The following ITPR2 variants were observed in gnomAD, a reference collection of about 807,000 sequenced individuals.
ITPR2 encodes the protein inositol 1,4,5-trisphosphate receptor type 2, also known as inositol 1,4,5-trisphosphate-gated calcium channel ITPR2.
In ITPR2, 207 loss-of-function variants were observed where a neutral mutation model predicts 317.1. That is an observed-to-expected ratio of 0.65 (90% confidence interval 0.58 to 0.73). The LOEUF (loss-of-function observed/expected upper bound fraction) is 0.73, where lower values mean the gene tolerates loss of function less well. Among genes scored for constraint, ITPR2 ranks in the 30% least tolerant of loss-of-function variants. The pLI, the probability that ITPR2 is intolerant of heterozygous loss-of-function variation, is 0.00. For missense variants in ITPR2, 2,613 were observed against 3,284.0 expected, an observed-to-expected ratio of 0.80 and a Z score of 4.99; for synonymous variants, 1,156 against 1,149.1, an observed-to-expected ratio of 1.01 and a Z score of -0.12.
chr12:26,549,932 A>T (rs1944483129), intron 37 of ITPR2, among the ~76,000 whole-genome samples: 1 of 152,012 alleles, frequency 6.6e-6, no homozygotes, highest in African/African-American at 2.4e-5. Context: ...TAAATAATGC[A>T]TCTCAGTTAC....
At chr12:26,481,721 T>C (rs1021836669) in intron 42 of ITPR2, among the ~76,000 whole-genome samples, 1 of 152,230 alleles carries the variant, frequency 6.6e-6, no homozygotes, top group African/African-American at 2.4e-5. Context: ...TACTTAATGC[T>C]AAACTGATGA....
chr12:26,456,211 G>C (rs760204352), intron 45 of ITPR2, among the ~76,000 whole-genome samples: 28 of 152,178 alleles, frequency 1.8e-4, no homozygotes, highest in Non-Finnish European at 2.8e-4. Context: ...GATAAAACAG[G>C]CTGCAGTAAA....
At chr12:26,460,223 T>C (rs1941983491) in intron 45 of ITPR2, among the ~76,000 whole-genome samples, 1 of 152,238 alleles carries the variant, frequency 6.6e-6, no homozygotes, top group Non-Finnish European at 1.5e-5. Flanking sequence ...CTCTGTCTTA[T>C]GGCACCCTAG....
At chr12:26,651,364 A>G (rs1246268371) in intron 21 of ITPR2, among the ~76,000 whole-genome samples, 1 of 147,038 alleles carries the variant, frequency 6.8e-6, no homozygotes, top group Non-Finnish European at 1.5e-5. Context: ...CTTCAAATCT[A>G]TTCTCTCTTT....
At chr12:26,420,045 A>G (rs1177818294) in intron 49 of ITPR2, among the ~76,000 whole-genome samples, 1 of 152,156 alleles carries the variant, frequency 6.6e-6, no homozygotes, top group Non-Finnish European at 1.5e-5. Context: ...TTCAACCCAC[A>G]TTTCATACTG....
chr12:26,357,441 T>G (rs1938675267), intron 55 of ITPR2, among the ~76,000 whole-genome samples: 1 of 152,230 alleles, frequency 6.6e-6, no homozygotes, highest in African/African-American at 2.4e-5. Context: ...CCATGTTCCC[T>G]CTCAGACCTC....
At chr12:26,478,177 C>A (rs1942459290) in intron 43 of ITPR2, among the ~76,000 whole-genome samples, 1 of 152,052 alleles carries the variant, frequency 6.6e-6, no homozygotes, top group African/African-American at 2.4e-5. Flanking sequence ...GAAGTACAGC[C>A]TAAAGATCAT....
At chr12:26,611,273 C>A (rs1424828899) in intron 26 of ITPR2, among the ~76,000 whole-genome samples, 3 of 152,228 alleles carry the variant, frequency 2.0e-5, no homozygotes, top group Non-Finnish European at 4.4e-5. Flanking sequence ...GTTGTCCAGA[C>A]AACCCAGAGT....
At chr12:26,436,175 T>A in intron 48 of ITPR2, 46 bp downstream of exon 48, 1 of 1,470,124 alleles carries the variant, frequency 6.8e-7, no homozygotes, top group Non-Finnish European at 9.0e-7. Flanking sequence ...AATAGTTAAG[T>A]GGGAACTTTA....
chr12:26,730,210 T>C lies in ITPR2; in HGVS notation c.164-4445A>G, dbSNP rs187305550. ...GGATTAGATCTTCATTACCATGTAATATCTTTTTAGAAATGCAGACGCCAT... is the reference window on the plus strand; with the variant it reads ...GGATTAGATCTTCATTACCATGTAACATCTTTTTAGAAATGCAGACGCCAT... On this transcript the variant is annotated intron_variant, in intron 2 of 56. Coordinates refer to ENST00000381340, the MANE Select transcript of ITPR2 (RefSeq NM_002223.4). 3.3e-5 allele frequency among the ~76,000 whole-genome samples: 5 copies of C among 152,280 alleles called. No individual in the cohort carries two copies. In the East Asian group the frequency reaches 9.6e-4, roughly 29 times the overall value.
chr12:26,715,604 A>G (rs969084536), intron 7 of ITPR2, 148 bp downstream of exon 7: 11 of 795,028 alleles, frequency 1.4e-5, no homozygotes, highest in Admixed American at 1.1e-4. Flanking sequence ...GTGGGGGGGA[A>G]ATTCAGTAAA....
chr12:26,417,778 A>G (rs1454013840), intron 50 of ITPR2, among the ~76,000 whole-genome samples: 1 of 142,294 alleles, frequency 7.0e-6, no homozygotes, highest in East Asian at 2.3e-4. Context: ...TCCATTTTAT[A>G]AACAAGAAAG....
intron 45 of ITPR2, among the ~76,000 whole-genome samples, chr12:26,469,478 C>A (rs765413999): frequency 1.3e-5 from 2 of 152,054 alleles, no homozygotes; most frequent in Admixed American, 6.6e-5. Context: ...TGACTTAGAT[C>A]TAGTCTAAAT....
At chr12:26,495,111 C>T in intron 38 of ITPR2, 41 bp downstream of exon 38, 2 of 1,010,144 alleles carry the variant, frequency 2.0e-6, no homozygotes, top group Non-Finnish European at 3.2e-6. Context: ...GAAGATGTAT[C>T]ATGAGAATCC....
chr12:26,412,112 T>C (rs1459692423), intron 51 of ITPR2, among the ~76,000 whole-genome samples: 1 of 152,182 alleles, frequency 6.6e-6, no homozygotes, highest in Admixed American at 6.5e-5. Context: ...ATTTTTCCCA[T>C]AGAGCCATCG....
intron 9 of ITPR2, among the ~76,000 whole-genome samples, chr12:26,702,033 AC>A (rs1324298558): frequency 6.6e-6 from 1 of 152,194 alleles, no homozygotes; most frequent in East Asian, 1.9e-4. Context: ...TCTGTGGAAG[AC>A]CCATTTACTG....
chr12:26,665,885 A>G, intron 14 of ITPR2, 25 bp downstream of exon 14: 3 of 1,591,184 alleles, frequency 1.9e-6, no homozygotes, highest in Non-Finnish European at 2.6e-6. Context: ...TAAAATATAC[A>G]AATTTAGTAC....
At chr12:26,431,832 T>C (rs1941217585) in intron 48 of ITPR2, among the ~76,000 whole-genome samples, 1 of 152,164 alleles carries the variant, frequency 6.6e-6, no homozygotes, top group African/African-American at 2.4e-5. Flanking sequence ...GGAGGAAGCA[T>C]ACACGGCTCA....
Position 26,632,039 on chromosome 12 carries a change from T to G in ITPR2, c.2761A>C (p.Ile921Leu). The G allele has an allele frequency of 6.3e-7, 1 of 1,583,090 alleles. No homozygotes were observed. Among genetic ancestry groups the G allele is most frequent in the Non-Finnish European group, 8.6e-7 (1 of 1,166,458 alleles). ...QDGGNNVMRTIHGVGEMMTQM... is the reference protein window; with the variant it reads ...QDGGNNVMRTLHGVGEMMTQM... ...GTCATCATCTCTCCCACCCCATGAATGGTTCTCATCACATTGTTTCCTGGC... is the reference window on the plus strand; with the variant it reads ...GTCATCATCTCTCCCACCCCATGAAGGGTTCTCATCACATTGTTTCCTGGC... The change falls in exon 22 of 57, where the codon ATT becomes CTT. Residue 921 changes from isoleucine (I) to leucine (L), a missense_variant. By Grantham distance (5) the Ile-to-Leu change is conservative (BLOSUM62 2). This residue lies in a region of ITPR2 where 817 missense variants were observed against 897.6 expected (regional missense o/e 0.91). Coordinates refer to ENST00000381340, the MANE Select transcript of ITPR2 (RefSeq NM_002223.4).
Sources: allele counts gnomAD v4.1 joint callset (sites outside exome capture counted in the v4.1 genomes callset), GRCh38; gene constraint gnomAD v4.1.1; regional missense constraint gnomAD v4.1.1; transcripts MANE v1.5; gene names NCBI Gene and HGNC (gene_info 2026-07-23, HGNC 2026-07-21).